The following MKLN1 variants were observed in gnomAD, a reference collection of about 807,000 sequenced individuals.
MKLN1 encodes muskelin.
A neutral mutation model predicts 99.0 loss-of-function variants in MKLN1; 18 were observed. The observed-to-expected ratio is 0.18, with a 90% CI of 0.13 to 0.27. The LOEUF (loss-of-function observed/expected upper bound fraction) is 0.27. Among genes scored for constraint, MKLN1 ranks in the 10% least tolerant of loss-of-function variants. The pLI, the probability that MKLN1 is intolerant of heterozygous loss-of-function variation, is 1.00. For synonymous variants in MKLN1, 288 were observed against 293.2 expected (o/e 0.98, Z 0.18); for missense variants, 621 against 875.9 (o/e 0.71, Z 3.67).
At chr7:131,369,042 T>C (rs893079030) in intron 1 of MKLN1, among the ~76,000 whole-genome samples, 2 of 151,928 alleles carry the variant, frequency 1.3e-5, no homozygotes, top group East Asian at 1.9e-4. Context: ...ATATAACAGG[T>C]TTTTAAAATA....
intron 3 of MKLN1, among the ~76,000 whole-genome samples, chr7:131,215,634 T>C (rs911331684): frequency 6.6e-6 from 1 of 152,198 alleles, no homozygotes; most frequent in Non-Finnish European, 1.5e-5. Context: ...CCAGCCTGAA[T>C]TGTCTTTTTA....
intron 1 of MKLN1, among the ~76,000 whole-genome samples, chr7:131,140,872 C>T (rs545968310): frequency 9.6e-4 from 146 of 152,178 alleles, no homozygotes; most frequent in African/African-American, 3.4e-3. Flanking sequence ...CTCCGCCTCC[C>T]AGGTTCAAGC....
At chr7:131,312,664 G>T (rs938771028) in intron 3 of MKLN1, among the ~76,000 whole-genome samples, 3 of 151,874 alleles carry the variant, frequency 2.0e-5, no homozygotes, top group African/African-American at 7.3e-5. Context: ...CCCCTCTTAC[G>T]TAAAGGAAAA....
intron 3 of MKLN1, among the ~76,000 whole-genome samples, chr7:131,213,515 C>T (rs1277656994): frequency 6.6e-6 from 1 of 152,200 alleles, no homozygotes; most frequent in Non-Finnish European, 1.5e-5. Context: ...ACATTTTGGA[C>T]TAGATAATTC....
intron 3 of MKLN1, among the ~76,000 whole-genome samples, chr7:131,265,138 C>A (rs1395307708): frequency 6.6e-6 from 1 of 152,028 alleles, no homozygotes; most frequent in Non-Finnish European, 1.5e-5. Context: ...CCGCGCCTGT[C>A]CTGTTCTGTA....
intron 3 of MKLN1, among the ~76,000 whole-genome samples, chr7:131,312,482 T>C (rs2116641877): frequency 6.6e-6 from 1 of 152,342 alleles, no homozygotes; most frequent in East Asian, 1.9e-4. Flanking sequence ...ATAATCTCCT[T>C]CTAATTTTAG....
At chr7:131,215,560 G>A (rs1356951268) in intron 3 of MKLN1, among the ~76,000 whole-genome samples, 2 of 151,956 alleles carry the variant, frequency 1.3e-5, no homozygotes, top group African/African-American at 4.8e-5. Flanking sequence ...GAACTCCTGG[G>A]CTCAAGCAAT....
intron 2 of MKLN1, among the ~76,000 whole-genome samples, chr7:131,179,877 T>G (rs918051862): frequency 4.0e-5 from 6 of 151,810 alleles, no homozygotes; most frequent in Non-Finnish European, 7.4e-5. Flanking sequence ...CCTGGCCGAT[T>G]CTGTTATTTC....
chr7:131,444,812 AGTAGTAGTAGAAGTG>A (rs1795959417), intron 11 of MKLN1, among the ~76,000 whole-genome samples: 6 of 148,440 alleles, frequency 4.0e-5, no homozygotes, highest in South Asian at 2.1e-4. Context: ...TAGTAGTAGT[AGTAGTAGTAGAAGTG>A]GAAGTGGAAG....
intron 3 of MKLN1, among the ~76,000 whole-genome samples, chr7:131,223,581 C>T (rs2116457526): frequency 6.6e-6 from 1 of 152,242 alleles, no homozygotes; most frequent in East Asian, 1.9e-4. Context: ...CTCCTGTCAG[C>T]TTGCCGCTCT....
At chr7:131,208,770 C>T (rs760731502) in intron 3 of MKLN1, among the ~76,000 whole-genome samples, 4 of 152,186 alleles carry the variant, frequency 2.6e-5, no homozygotes, top group Non-Finnish European at 5.9e-5. Flanking sequence ...GCAAACACAA[C>T]AGATGAGGTC....
At chr7:131,308,521 A>G (rs1013622539) in intron 3 of MKLN1, among the ~76,000 whole-genome samples, 2 of 151,810 alleles carry the variant, frequency 1.3e-5, no homozygotes, top group Non-Finnish European at 2.9e-5. Flanking sequence ...TTGGCCTCCC[A>G]AAGTGCTGGG....
At chr7:131,353,903 TAAAAAAAA>T (rs35581656) in intron 1 of MKLN1, among the ~76,000 whole-genome samples, 2 of 113,714 alleles carry the variant, frequency 1.8e-5, no homozygotes, top group Non-Finnish European at 3.6e-5. Context: ...TGTACCTTTG[TAAAAAAAA>T]AAAAAAAAAA....
At chr7:131,322,830 A>G (rs1319726439) in intron 3 of MKLN1, among the ~76,000 whole-genome samples, 3 of 151,352 alleles carry the variant, frequency 2.0e-5, no homozygotes, top group Non-Finnish European at 4.4e-5. Context: ...TCGGCCTCCC[A>G]AAGTGCTGGG....
intron 3 of MKLN1, among the ~76,000 whole-genome samples, chr7:131,219,802 G>GT (rs1309051442): frequency 1.3e-5 from 2 of 152,034 alleles, no homozygotes; most frequent in Non-Finnish European, 2.9e-5. Flanking sequence ...TCTTGTGTTT[G>GT]TTTTTTTCAC....
intron 2 of MKLN1, among the ~76,000 whole-genome samples, chr7:131,187,382 T>C (rs1318387863): frequency 6.6e-6 from 1 of 151,338 alleles, no homozygotes; most frequent in Non-Finnish European, 1.5e-5. Context: ...GAGACTGTAG[T>C]GTAGGTGAAG....
At chr7:131,419,068 T>C (rs909697332) in intron 8 of MKLN1, among the ~76,000 whole-genome samples, 2 of 152,026 alleles carry the variant, frequency 1.3e-5, no homozygotes, top group Non-Finnish European at 2.9e-5. Flanking sequence ...TAGCTATTGC[T>C]GTCGATTTTT....
At chr7:131,229,644 C>T (rs1797212106) in intron 3 of MKLN1, among the ~76,000 whole-genome samples, 1 of 152,158 alleles carries the variant, frequency 6.6e-6, no homozygotes, top group African/African-American at 2.4e-5. Context: ...CCTCCTCAAC[C>T]TCCTGGGCTC....
At chr7:131,215,469 T>G (rs1427749444) in intron 3 of MKLN1, among the ~76,000 whole-genome samples, 1 of 152,100 alleles carries the variant, frequency 6.6e-6, no homozygotes, top group Non-Finnish European at 1.5e-5. Flanking sequence ...CTCAGCCTCC[T>G]GGGTAGCTGG....
Sources: gnomAD v4.1 joint callset for allele counts (sites outside exome capture counted in the v4.1 genomes callset) on GRCh38, gnomAD v4.1.1 for gene constraint, MANE v1.5 for transcripts, NCBI Gene and HGNC (gene_info 2026-07-23, HGNC 2026-07-21) for gene names.